Variants in TSPEAR observed in about 807,000 individuals in gnomAD.
TSPEAR encodes the protein thrombospondin-type laminin G domain and EAR repeat-containing protein.
TSPEAR carries 69 observed loss-of-function variants against 71.6 expected under a neutral mutation model. The ratio of observed to expected loss-of-function variants is 0.96; its 90% CI spans 0.79 to 1.18. The LOEUF (loss-of-function observed/expected upper bound fraction) is 1.18, where lower values mean the gene tolerates loss of function less well. Among genes scored for constraint, TSPEAR ranks in the 50% most tolerant of loss-of-function variants. The pLI is 0.00. For synonymous variants in TSPEAR, 402 were observed against 387.2 expected (o/e 1.04, Z -0.45); for missense variants, 971 against 894.9 (o/e 1.09, Z -1.09).
chr21:44,558,703 T>C, intron 2 of TSPEAR: 1 of 1,603,784 alleles, frequency 6.2e-7, no homozygotes, highest in South Asian at 1.1e-5. Flanking sequence ...ACGGACATGG[T>C]AGACGTGGCC....
chr21:44,518,869 C>G, intron 9 of TSPEAR: 1 of 357,638 alleles, frequency 2.8e-6, no homozygotes. Context: ...GGCGCACGTT[C>G]ATGTCAGGGC....
At chr21:44,654,770 ATCTT>A (rs782403978) in intron 1 of TSPEAR, 2 of 595,408 alleles carry the variant, frequency 3.4e-6, no homozygotes, top group East Asian at 5.5e-5. Context: ...TGTCTGGTTG[ATCTT>A]TCTGTGTTTT....
At chr21:44,627,261 C>A (rs1982870294) in intron 1 of TSPEAR, 3 of 1,612,752 alleles carry the variant, frequency 1.9e-6, no homozygotes, top group South Asian at 1.1e-5. Flanking sequence ...GTGAGCCCCC[C>A]TGCTGCGCCA....
chr21:44,658,043 G>C, intron 1 of TSPEAR: 2 of 1,613,766 alleles, frequency 1.2e-6, no homozygotes, highest in South Asian at 2.2e-5. Context: ...CCCCTGCCAG[G>C]CATCCTGCTA....
At position 44,710,734 on chromosome 21, in the gene TSPEAR, T is replaced by A. The variant is rs529705781; in HGVS notation, c.82+699A>T. On this transcript the variant is annotated intron_variant, in intron 1 of 11. Transcript: ENST00000323084. This position sits in a 1 kb window ranked among gnomAD's most constrained non-coding sequence, Gnocchi z 4.6. ...CGTGTTACTTTATTAAATTTTGGTT[T>A]GATAAGTAAAATCCCTCAGTAGAAA... 6.6e-6 allele frequency among the ~76,000 whole-genome samples: 1 copy of A among 152,324 alleles called. No homozygotes were observed. The highest frequency in any genetic ancestry group is 2.4e-5 in the African/African-American group (1 of 41,556).
At chr21:44,655,536 G>A (rs1159900868) in intron 1 of TSPEAR, among the ~76,000 whole-genome samples, 2 of 152,344 alleles carry the variant, frequency 1.3e-5, no homozygotes, top group East Asian at 1.9e-4. Context: ...CGGAGCCCAG[G>A]AGGACCCATC....
At chr21:44,688,995 C>T (rs917585615) in intron 1 of TSPEAR, among the ~76,000 whole-genome samples, 51 of 152,232 alleles carry the variant, frequency 3.4e-4, no homozygotes, top group African/African-American at 1.2e-3. Flanking sequence ...GATGGACCTG[C>T]GCCCCGAGCA....
intron 2 of TSPEAR, among the ~76,000 whole-genome samples, chr21:44,554,623 A>G (rs1298913933): frequency 6.6e-6 from 1 of 152,262 alleles, no homozygotes; most frequent in African/African-American, 2.4e-5. Context: ...TAATATTCTA[A>G]TACTTTACTG....
chr21:44,635,360 A>G lies in TSPEAR; in HGVS notation c.83-67355T>C, dbSNP rs200328620. On this transcript the variant is annotated intron_variant, in intron 1 of 11. Transcript: ENST00000323084. ...GACTCTGTCTCAAAAAAAAAAAAAA[A>G]AAAAAAGAATGTTTATAGAAGCACT... Among the ~76,000 whole-genome samples the G allele has an allele frequency of 6.7e-4, 101 of 151,744 alleles. 2 individuals carry two copies. The East Asian group carries it at 0.017, about 26-fold the overall frequency.
intron 1 of TSPEAR, among the ~76,000 whole-genome samples, chr21:44,572,092 A>G (rs587751479): frequency 8.5e-5 from 13 of 152,354 alleles, no homozygotes; most frequent in Non-Finnish European, 1.8e-4. Context: ...CCCCACGCAC[A>G]CTGCTCCTGT....
intron 1 of TSPEAR, among the ~76,000 whole-genome samples, chr21:44,704,384 T>C (rs1261737950): frequency 6.6e-6 from 1 of 152,158 alleles, no homozygotes; most frequent in African/African-American, 2.4e-5. Flanking sequence ...TGTGACATTA[T>C]CAGCCTCCTT....
chr21:44,677,806 GT>G (rs1986390168), intron 1 of TSPEAR: 1 of 1,285,406 alleles, frequency 7.8e-7, no homozygotes, highest in Non-Finnish European at 1.1e-6. Context: ...ACATTATAAG[GT>G]GCAGAACCAA....
At chr21:44,694,586 C>T (rs929040635) in intron 1 of TSPEAR, among the ~76,000 whole-genome samples, 3 of 152,060 alleles carry the variant, frequency 2.0e-5, no homozygotes, top group Non-Finnish European at 2.9e-5. Flanking sequence ...GTATATTTTA[C>T]CACGATGTTT....
intron 1 of TSPEAR, among the ~76,000 whole-genome samples, chr21:44,626,154 G>A (rs1273785771): frequency 6.6e-6 from 1 of 152,228 alleles, no homozygotes; most frequent in Non-Finnish European, 1.5e-5. Context: ...ATATGCGTAT[G>A]TGTACTTGAA....
chr21:44,678,869 T>A (rs1235622480), intron 1 of TSPEAR, among the ~76,000 whole-genome samples: 1 of 152,190 alleles, frequency 6.6e-6, no homozygotes, highest in Non-Finnish European at 1.5e-5. Context: ...AGGCAATCCA[T>A]GAAGGCTAAA....
intron 1 of TSPEAR, among the ~76,000 whole-genome samples, chr21:44,577,362 G>A (rs76293441): frequency 0.013 from 1,999 of 152,320 alleles, 18 homozygotes; most frequent in Non-Finnish European, 0.02. Flanking sequence ...AAAGGCCCAC[G>A]GTTATCTGGC....
At chr21:44,676,740 G>C (rs2838624) in intron 1 of TSPEAR, 588,304 of 792,948 alleles carry the variant, frequency 0.74, 220,081 homozygotes, top group African/African-American at 0.86. Flanking sequence ...CTTCCTCTAC[G>C]TTTCTGTCCT....
intron 3 of TSPEAR, among the ~76,000 whole-genome samples, chr21:44,532,223 G>A (rs1397453422): frequency 1.3e-5 from 2 of 152,216 alleles, no homozygotes; most frequent in Admixed American, 6.5e-5. Flanking sequence ...TAAAACATTC[G>A]GGGAACATTC....
At chr21:44,522,510 G>A (rs73379203) in intron 8 of TSPEAR, among the ~76,000 whole-genome samples, 5,958 of 152,318 alleles carry the variant, frequency 0.039, 403 homozygotes, top group African/African-American at 0.14. Flanking sequence ...TCTCAACTGT[G>A]GAGCTCCCCC....
Sources: allele counts gnomAD v4.1 joint callset (sites outside exome capture counted in the v4.1 genomes callset), GRCh38; gene constraint gnomAD v4.1.1; non-coding constraint Gnocchi (gnomAD v3.1); transcripts MANE v1.5; gene names NCBI Gene and HGNC (gene_info 2026-07-23, HGNC 2026-07-21).